Variants in POLR3B observed in about 807,000 individuals in gnomAD.
POLR3B encodes DNA-directed RNA polymerase III subunit RPC2.
A neutral mutation model predicts 147.4 loss-of-function variants in POLR3B; 96 were observed. The ratio of observed to expected loss-of-function variants is 0.65; its 90% CI spans 0.55 to 0.77. The LOEUF is 0.77. Ranked by LOEUF, POLR3B falls within the 30% of genes least tolerant of loss-of-function variation. The probability of loss-of-function intolerance (pLI) is 0.00; values close to 1 mark genes in which losing one functional copy is unlikely to be tolerated. For synonymous variants in POLR3B, 461 were observed against 485.9 expected, an observed-to-expected ratio of 0.95 and a Z score of 0.67; for missense variants, 1,036 against 1,413.5, an observed-to-expected ratio of 0.73 and a Z score of 4.28.
chr12:106,492,985 A>G (rs2038427123), intron 23 of POLR3B, among the ~76,000 whole-genome samples: 1 of 152,252 alleles, frequency 6.6e-6, no homozygotes, highest in East Asian at 1.9e-4. Flanking sequence ...AGCATGTTAA[A>G]CTGGTGTATT....
At chr12:106,430,699 A>T (rs1295281357) in intron 14 of POLR3B, among the ~76,000 whole-genome samples, 2 of 152,228 alleles carry the variant, frequency 1.3e-5, no homozygotes, top group African/African-American at 4.8e-5. Flanking sequence ...GCTAAAAGTA[A>T]TATAGTCCAT....
intron 12 of POLR3B, among the ~76,000 whole-genome samples, chr12:106,417,811 A>G (rs933697921): frequency 1.3e-5 from 2 of 152,068 alleles, no homozygotes; most frequent in African/African-American, 2.4e-5. Flanking sequence ...CGGAAAAACC[A>G]TGGTGTTAAA....
intron 9 of POLR3B, among the ~76,000 whole-genome samples, chr12:106,387,385 C>A (rs933719656): frequency 2.0e-5 from 3 of 152,068 alleles, no homozygotes; most frequent in African/African-American, 7.2e-5. Context: ...TTAAACACAA[C>A]CCTAGGATGA....
rs1181773958 is a variant in POLR3B at position 106,510,155 on chromosome 12, A to G, written c.*606A>G. Reference sequence around the variant, plus strand: ...TCAATTGCTATTATTTTAAACCTGCATGATTGTACCATGCAATACTATTCG... The same window carrying G: ...TCAATTGCTATTATTTTAAACCTGCGTGATTGTACCATGCAATACTATTCG... On this transcript the variant is annotated 3_prime_UTR_variant, in exon 28 of 28. Coordinates refer to ENST00000228347, the MANE Select transcript of POLR3B (RefSeq NM_018082.6). The G allele has an allele frequency of 1.2e-5, 2 of 162,534 alleles. No individual in the cohort carries two copies. The highest frequency in any genetic ancestry group is 4.8e-5 in the African/African-American group (2 of 41,556). 10.1% of individuals were successfully genotyped at this position (162,534 alleles called of 1,614,324 possible).
chr12:106,372,346 T>G (rs1210220681), intron 6 of POLR3B, among the ~76,000 whole-genome samples: 3 of 149,314 alleles, frequency 2.0e-5, no homozygotes, highest in South Asian at 2.1e-4. Context: ...TTTTTTTTTT[T>G]TTTTTTTTTT....
chr12:106,387,557 G>C (rs532490413), intron 9 of POLR3B, among the ~76,000 whole-genome samples: 1 of 151,940 alleles, frequency 6.6e-6, no homozygotes, highest in African/African-American at 2.4e-5. Flanking sequence ...TTTTTAGTTT[G>C]GATAAATGAG....
At chr12:106,402,374 G>A (rs1410808764) in intron 10 of POLR3B, among the ~76,000 whole-genome samples, 1 of 152,114 alleles carries the variant, frequency 6.6e-6, no homozygotes, top group African/African-American at 2.4e-5. Flanking sequence ...TCGTGAAAAT[G>A]GCCATACTGC....
At chr12:106,506,796 A>G (rs1019345311) in intron 27 of POLR3B, among the ~76,000 whole-genome samples, 4 of 152,062 alleles carry the variant, frequency 2.6e-5, no homozygotes, top group African/African-American at 4.8e-5. Flanking sequence ...ATCCTAATCC[A>G]TTCTAGTAGT....
chr12:106,463,635 T>C lies in POLR3B; in HGVS notation c.2713+15T>C, dbSNP rs749008463. ...TGGGCAAAAAGGTAAACTGTATCAT[T>C]TCTCAACTTGATTATAAAACAATAT... On this transcript the variant is annotated intron_variant, in intron 23 of 27. Transcript: ENST00000228347. 6 of 1,605,172 alleles carry C rather than the reference T, an allele frequency of 3.7e-6. No homozygotes were observed. Among genetic ancestry groups the C allele is most frequent in the Non-Finnish European group, 5.1e-6 (6 of 1,172,080 alleles).
At chr12:106,472,686 C>G (rs973167805) in intron 23 of POLR3B, among the ~76,000 whole-genome samples, 8 of 129,826 alleles carry the variant, frequency 6.2e-5, no homozygotes, top group African/African-American at 2.5e-4. Flanking sequence ...TGTTCATGTC[C>G]TTCGCCCACT....
At chr12:106,503,058 C>T (rs114150615) in intron 26 of POLR3B, among the ~76,000 whole-genome samples, 2,518 of 152,238 alleles carry the variant, frequency 0.017, 73 homozygotes, top group African/African-American at 0.058. Context: ...ACCTTTACCT[C>T]GTTCACTGAC....
intron 6 of POLR3B, among the ~76,000 whole-genome samples, chr12:106,373,179 A>G (rs2036633484): frequency 6.6e-6 from 1 of 152,224 alleles, no homozygotes; most frequent in Non-Finnish European, 1.5e-5. Context: ...AATTACTACA[A>G]TAGGTATGTT....
chr12:106,486,134 A>C (rs1246844664), intron 23 of POLR3B, among the ~76,000 whole-genome samples: 1 of 151,842 alleles, frequency 6.6e-6, no homozygotes, highest in Non-Finnish European at 1.5e-5. Flanking sequence ...CTAAAAATAC[A>C]AAAAATTAGT....
chr12:106,403,084 A>C (rs1432779164), intron 10 of POLR3B, among the ~76,000 whole-genome samples: 1 of 151,718 alleles, frequency 6.6e-6, no homozygotes, highest in Non-Finnish European at 1.5e-5. Context: ...AATATCCAGA[A>C]TCTACAATGA....
intron 22 of POLR3B, among the ~76,000 whole-genome samples, chr12:106,460,141 A>G (rs1348082502): frequency 6.6e-6 from 1 of 152,160 alleles, no homozygotes; most frequent in East Asian, 1.9e-4. Context: ...CCATGTGCCA[A>G]CCATCCTGCC....
chr12:106,368,909 GT>G (rs2036566844), intron 4 of POLR3B, among the ~76,000 whole-genome samples: 1 of 150,810 alleles, frequency 6.6e-6, no homozygotes, highest in Non-Finnish European at 1.5e-5. Flanking sequence ...TTTTTTGTTT[GT>G]TTTTTTGTTT....
At chr12:106,379,792 C>T (rs1236392844) in intron 8 of POLR3B, among the ~76,000 whole-genome samples, 3 of 152,196 alleles carry the variant, frequency 2.0e-5, no homozygotes, top group Admixed American at 6.5e-5. Flanking sequence ...CACTCATTCA[C>T]ACACAGAACT....
At position 106,501,426 on chromosome 12, in the gene POLR3B, G is replaced by A. The variant is rs760305780; in HGVS notation, c.3088G>A (p.Val1030Ile). 33 of 1,596,608 alleles carry A rather than the reference G, an allele frequency of 2.1e-5. No individual in the cohort carries two copies. The highest frequency in any genetic ancestry group is 3.3e-5 in the South Asian group (3 of 90,670). Residue 1030 changes from valine to isoleucine, a missense_variant, in exon 26 of 28, where the codon GTC (valine) becomes ATC (isoleucine). Around this residue, in one of 12 missense-constraint regions of POLR3B, gnomAD observed 18 missense variants for 73.4 expected, o/e 0.25. Transcript: ENST00000228347. ...MHARARGPRAVLTRQPTEGRS... is the reference protein window; with the variant it reads ...MHARARGPRAILTRQPTEGRS... ...TGCCCGGGCCCGGGGCCCACGAGCC[G>A]TCCTTACCAGGTAAGAGAAAAGTAC...
At chr12:106,459,452 G>A (rs186576629) in intron 22 of POLR3B, 84 bp downstream of exon 22, 27 of 806,190 alleles carry the variant, frequency 3.3e-5, no homozygotes, top group African/African-American at 1.5e-4. Context: ...AGGTCTTGGC[G>A]TGTTGGAGAA....
Sources: allele counts gnomAD v4.1 joint callset (sites outside exome capture counted in the v4.1 genomes callset), GRCh38; gene constraint gnomAD v4.1.1; regional missense constraint gnomAD v4.1.1; transcripts MANE v1.5; gene names NCBI Gene and HGNC (gene_info 2026-07-23, HGNC 2026-07-21).